Variants in CEP63 observed in about 807,000 individuals in gnomAD.
CEP63 encodes centrosomal protein 63.
CEP63 carries 84 observed loss-of-function variants against 89.1 expected under a neutral mutation model. The ratio of observed to expected loss-of-function variants is 0.94; its 90% CI spans 0.79 to 1.13. The LOEUF (loss-of-function observed/expected upper bound fraction) is 1.13, where lower values mean the gene tolerates loss of function less well. Ranked by LOEUF, CEP63 falls within the 50% of genes most tolerant of loss-of-function variation. The pLI is 0.00. For synonymous variants in CEP63, 267 were observed against 272.5 expected (o/e 0.98, Z 0.20); for missense variants, 838 against 813.3 (o/e 1.03, Z -0.37).
chr3:134,537,072 G>T (rs1950905296), intron 5 of CEP63, 83 bp from the exon 6 acceptor site: 2 of 870,108 alleles, frequency 2.3e-6, no homozygotes, highest in South Asian at 2.6e-5. Flanking sequence ...GACATGGGGA[G>T]AAATTAAAGT....
chr3:134,740,269 T>TC, the CEP63 span, among the ~76,000 whole-genome samples: 1 of 31,914 alleles, frequency 3.1e-5, no homozygotes, highest in Non-Finnish European at 9.1e-5. Context: ...TCTTTTCTTT[T>TC]ATTTATTTAT....
chr3:134,503,517 G>C (rs904868293), intron 2 of CEP63, among the ~76,000 whole-genome samples: 1 of 151,998 alleles, frequency 6.6e-6, no homozygotes, highest in Non-Finnish European at 1.5e-5. Flanking sequence ...AATGTCTTTA[G>C]GTCTCTTTGG....
intron 3 of CEP63, among the ~76,000 whole-genome samples, chr3:134,530,585 C>T (rs1014280778): frequency 2.6e-5 from 4 of 152,094 alleles, no homozygotes; most frequent in African/African-American, 9.7e-5. Flanking sequence ...AGAAGTTTTA[C>T]ATGGTTAAAT....
At chr3:134,772,398 A>T in the CEP63 span, among the ~76,000 whole-genome samples, 1 of 152,122 alleles carries the variant, frequency 6.6e-6, no homozygotes, top group Non-Finnish European at 1.5e-5. Flanking sequence ...GCTGCGAGGG[A>T]GACACTTGGC....
At chr3:134,587,522 G>A (rs528622891) in exon 11 of CEP63, among the ~76,000 whole-genome samples, 12 of 152,180 alleles carry the variant, frequency 7.9e-5, no homozygotes, top group Non-Finnish European at 1.3e-4. Context: ...TATCACCAGC[G>A]GAGGCTGCAG....
the CEP63 span, chr3:134,603,532 G>A: frequency 2.0e-6 from 3 of 1,510,470 alleles, no homozygotes; most frequent in Non-Finnish European, 8.9e-7. Flanking sequence ...CCTCCCTGGG[G>A]AGGTCTGGCC....
chr3:134,733,764 C>T, the CEP63 span, among the ~76,000 whole-genome samples: 1 of 150,670 alleles, frequency 6.6e-6, no homozygotes, highest in Non-Finnish European at 1.5e-5. Context: ...CAGAGGGATC[C>T]TGGCCTTGCC....
chr3:134,769,818 T>G, the CEP63 span, among the ~76,000 whole-genome samples: 1 of 152,240 alleles, frequency 6.6e-6, no homozygotes, highest in Non-Finnish European at 1.5e-5. Flanking sequence ...GGCCTACTTA[T>G]GCTTACCTCG....
At chr3:134,538,537 ATATATATATATATATATG>A (rs1411162498) in intron 6 of CEP63, among the ~76,000 whole-genome samples, 1 of 137,702 alleles carries the variant, frequency 7.3e-6, no homozygotes, top group African/African-American at 2.5e-5. Flanking sequence ...GTGTGTGTAT[ATATATATATATATATATG>A]TATATATATA....
chr3:134,629,338 T>C, the CEP63 span: 1 of 410,306 alleles, frequency 2.4e-6, no homozygotes, highest in African/African-American at 2.0e-5. Flanking sequence ...AAACAAATGG[T>C]ATCTAAAAGC....
chr3:134,488,590 G>A (rs1936498311), intron 1 of CEP63, among the ~76,000 whole-genome samples: 1 of 152,108 alleles, frequency 6.6e-6, no homozygotes, highest in Non-Finnish European at 1.5e-5. Flanking sequence ...GACCAGGCAA[G>A]AGTGCAAGAC....
the CEP63 span, among the ~76,000 whole-genome samples, chr3:134,653,346 C>T: frequency 9.2e-5 from 14 of 152,184 alleles, no homozygotes; most frequent in African/African-American, 2.9e-4. Flanking sequence ...GTGTGAACAC[C>T]GCTTTGGAGC....
chr3:134,658,400 T>A, the CEP63 span, among the ~76,000 whole-genome samples: 1 of 152,166 alleles, frequency 6.6e-6, no homozygotes, highest in Non-Finnish European at 1.5e-5. Context: ...CTACCTCAGA[T>A]CTGTTGTATT....
the CEP63 span, among the ~76,000 whole-genome samples, chr3:134,711,959 C>G: frequency 6.6e-6 from 1 of 152,006 alleles, no homozygotes; most frequent in East Asian, 1.9e-4. Context: ...GATGGGGTTT[C>G]TCCATGTTGG....
chr3:134,635,005 A>G, the CEP63 span, among the ~76,000 whole-genome samples: 2 of 152,272 alleles, frequency 1.3e-5, no homozygotes, highest in African/African-American at 2.4e-5. Flanking sequence ...CTTATAAAAC[A>G]AAACATGTAC....
chr3:134,723,948 CAG>C, the CEP63 span, among the ~76,000 whole-genome samples: 526 of 152,328 alleles, frequency 3.5e-3, 5 homozygotes, highest in African/African-American at 0.012. Context: ...ACAACTGCAG[CAG>C]AGTGCTCACA....
the CEP63 span, among the ~76,000 whole-genome samples, chr3:134,720,812 C>G: frequency 6.6e-6 from 1 of 152,086 alleles, no homozygotes; most frequent in Non-Finnish European, 1.5e-5. Context: ...TTTCTGGACT[C>G]TCAATTTTAT....
chr3:134,553,474 A>G (rs1462257177), intron 12 of CEP63: 2 of 152,176 alleles, frequency 1.3e-5, no homozygotes, highest in Non-Finnish European at 2.9e-5. Flanking sequence ...AAAGATAATA[A>G]GGAAAAGATA....
the CEP63 span, among the ~76,000 whole-genome samples, chr3:134,692,132 A>T: frequency 0.98 from 149,719 of 152,280 alleles, 73,653 homozygotes; most frequent in East Asian, 1. Context: ...TATTATACTT[A>T]AAGTTCTAGG....
Sources: allele counts gnomAD v4.1 joint callset (sites outside exome capture counted in the v4.1 genomes callset), GRCh38; gene constraint gnomAD v4.1.1; transcripts MANE v1.5; gene names NCBI Gene and HGNC (gene_info 2026-07-23, HGNC 2026-07-21).